CLSTN2: variants seen among roughly 807,000 people sequenced by gnomAD.
CLSTN2 encodes the protein calsyntenin 2.
Under a neutral mutation model 101.2 loss-of-function variants are expected in CLSTN2, and 48 were observed. The observed-to-expected ratio is 0.47, with a 90% CI of 0.38 to 0.60. The LOEUF is 0.60. CLSTN2 is among the 20% of genes least tolerant of loss of function. CLSTN2 has a pLI of 0.00. For synonymous variants in CLSTN2, 481 were observed against 463.6 expected (o/e 1.04, Z -0.48); for missense variants, 1,160 against 1,238.2 (o/e 0.94, Z 0.95).
chr3:140,523,466 ATTT>A (rs1379967158), intron 8 of CLSTN2, among the ~76,000 whole-genome samples: 1 of 151,562 alleles, frequency 6.6e-6, no homozygotes, highest in African/African-American at 2.4e-5. Context: ...CAGCTTTTTT[ATTT>A]TTGTTTTCTT....
intron 1 of CLSTN2, among the ~76,000 whole-genome samples, chr3:140,169,956 T>A (rs1204859890): frequency 6.6e-6 from 1 of 152,126 alleles, no homozygotes; most frequent in Non-Finnish European, 1.5e-5. Flanking sequence ...ATTTTACAAA[T>A]GAAGAATGAG....
In CLSTN2 at chr3:140,319,709, C is replaced by T. The variant is rs145502281; in HGVS notation, c.233-83920C>T. On this transcript the variant is annotated intron_variant, in intron 2 of 16. Coordinates refer to ENST00000458420, the MANE Select transcript of CLSTN2 (RefSeq NM_022131.3). ...ATAGAGAGATGACACATGGAAGGTT[C>T]TGAGCATGTGCCTTAGCATGACCAT... Among the ~76,000 whole-genome samples the T allele has an allele frequency of 2.6e-5, 4 of 152,346 alleles. No individual in the cohort carries two copies. The East Asian group carries it at 5.8e-4, about 22-fold the overall frequency.
intron 2 of CLSTN2, among the ~76,000 whole-genome samples, chr3:140,339,753 C>A (rs76213388): frequency 0.025 from 3,744 of 152,298 alleles, 139 homozygotes; most frequent in African/African-American, 0.083. Context: ...ATGCAAAAAC[C>A]ATTACACATG....
rs148981421 is a variant in CLSTN2 at position 140,122,942 on chromosome 3, T to C, written c.110-53009T>C. Among the ~76,000 whole-genome samples the C allele has an allele frequency of 1.2e-4, 18 of 152,238 alleles. No individual in the cohort carries two copies. In the East Asian group the frequency reaches 3.3e-3, roughly 28 times the overall value. On this transcript the variant is annotated intron_variant, in intron 1 of 16. Transcript: ENST00000458420. ...GCCATTGGGCCAAAGTTTGTCAACA[T>C]TGTCTTGGAGCTTTGGAGAGGTAGT...
chr3:140,510,449 G>A (rs1464068037), intron 8 of CLSTN2, among the ~76,000 whole-genome samples: 4 of 152,210 alleles, frequency 2.6e-5, no homozygotes, highest in South Asian at 2.1e-4. Flanking sequence ...TACTCTCCCC[G>A]GGGATGAGAT....
intron 2 of CLSTN2, among the ~76,000 whole-genome samples, chr3:140,299,635 T>C (rs1031205546): frequency 6.6e-5 from 10 of 152,208 alleles, no homozygotes; most frequent in African/African-American, 2.4e-4. Context: ...GTCGGTCACC[T>C]ATCTTTGGCT....
chr3:139,987,292 C>T (rs535140232), intron 1 of CLSTN2, among the ~76,000 whole-genome samples: 21 of 152,288 alleles, frequency 1.4e-4, no homozygotes, highest in African/African-American at 4.6e-4. Context: ...GTTTATACCC[C>T]TGCATTCAGT....
chr3:139,997,432 C>A (rs1020309628), intron 1 of CLSTN2, among the ~76,000 whole-genome samples: 14 of 152,170 alleles, frequency 9.2e-5, no homozygotes, highest in Non-Finnish European at 4.4e-5. Context: ...ACATGGAGAA[C>A]CAAATTTTGC....
chr3:140,556,768 C>A, intron 11 of CLSTN2, 107 bp downstream of exon 11: 1 of 1,068,244 alleles, frequency 9.4e-7, no homozygotes, highest in Non-Finnish European at 1.4e-6. Flanking sequence ...TGCCTTTCGT[C>A]AGCTGTCCTC....
intron 7 of CLSTN2, 129 bp downstream of exon 7, chr3:140,459,898 A>AAT: frequency 9.4e-7 from 1 of 1,067,924 alleles, no homozygotes; most frequent in Non-Finnish European, 1.4e-6. Context: ...GAACCCTGCC[A>AAT]ATATATATTC....
chr3:140,218,591 C>T (rs554144678), intron 2 of CLSTN2, among the ~76,000 whole-genome samples: 4 of 152,182 alleles, frequency 2.6e-5, no homozygotes, highest in Middle Eastern at 3.4e-3. Flanking sequence ...TTAAAAAAAA[C>T]CTTCCTGATT....
At chr3:140,507,980 C>T (rs574052869) in intron 8 of CLSTN2, 1 of 152,202 alleles carries the variant, frequency 6.6e-6, no homozygotes, top group South Asian at 2.1e-4. Context: ...GAAATTTCCC[C>T]TGAGCCAACT....
At chr3:140,149,970 G>T (rs1047881964) in intron 1 of CLSTN2, among the ~76,000 whole-genome samples, 1 of 152,156 alleles carries the variant, frequency 6.6e-6, no homozygotes, top group African/African-American at 2.4e-5. Context: ...GTATCATGGG[G>T]CAGGGAGAGG....
rs375077468 is a variant in CLSTN2, at chr3:140,064,973, T to TAG, written c.110-110977_110-110976insGA. Reference sequence around the variant, plus strand: ...TAATACATATAGATCTCAGCTAAGATATTGGAAAATCTCTGAAATGTATGG... The same window carrying TAG: ...TAATACATATAGATCTCAGCTAAGATAGATTGGAAAATCTCTGAAATGTATGG... On this transcript the variant is annotated intron_variant, in intron 1 of 16. Coordinates refer to ENST00000458420, the MANE Select transcript of CLSTN2 (RefSeq NM_022131.3). 2.8e-3 allele frequency among the ~76,000 whole-genome samples: 421 copies of TAG among 152,358 alleles called. 1 individual carries two copies. The highest frequency in any genetic ancestry group is 9.7e-3 in the African/African-American group (404 of 41,586).
chr3:140,194,252 G>A (rs575613539), intron 2 of CLSTN2, among the ~76,000 whole-genome samples: 1 of 152,158 alleles, frequency 6.6e-6, no homozygotes, highest in African/African-American at 2.4e-5. Flanking sequence ...CTCATCTCCT[G>A]GTTTACTGAA....
chr3:140,133,335 C>T (rs572414878), intron 1 of CLSTN2, among the ~76,000 whole-genome samples: 1 of 152,308 alleles, frequency 6.6e-6, no homozygotes, highest in South Asian at 2.1e-4. Flanking sequence ...TTGGGGATCA[C>T]ATTTCAACAT....
At chr3:140,183,411 G>A (rs1474873310) in intron 2 of CLSTN2, among the ~76,000 whole-genome samples, 1 of 152,184 alleles carries the variant, frequency 6.6e-6, no homozygotes, top group East Asian at 1.9e-4. Flanking sequence ...GGAGTTTCAG[G>A]TTAGAACACT....
intron 1 of CLSTN2, among the ~76,000 whole-genome samples, chr3:139,950,157 A>T (rs1023552935): frequency 6.6e-5 from 10 of 152,160 alleles, no homozygotes; most frequent in Admixed American, 4.6e-4. Flanking sequence ...AAGACAGAAA[A>T]TTTACTTTTT....
intron 2 of CLSTN2, among the ~76,000 whole-genome samples, chr3:140,228,570 C>A (rs768177060): frequency 5.9e-5 from 9 of 152,198 alleles, no homozygotes; most frequent in Non-Finnish European, 1.0e-4. Flanking sequence ...TTCAGCAGCA[C>A]CCCACTCTTG....
Sources: gnomAD v4.1 joint callset for allele counts (sites outside exome capture counted in the v4.1 genomes callset) on GRCh38, gnomAD v4.1.1 for gene constraint, MANE v1.5 for transcripts, NCBI Gene and HGNC (gene_info 2026-07-23, HGNC 2026-07-21) for gene names.